DMD: variants seen among roughly 807,000 people sequenced by gnomAD.
DMD encodes the protein dystrophin.
DMD carries 63 observed loss-of-function variants against 330.1 expected under a neutral mutation model. That is an observed-to-expected ratio of 0.19 (90% CI 0.16 to 0.24). The LOEUF (loss-of-function observed/expected upper bound fraction) is 0.24. Among genes scored for constraint, DMD ranks in the 10% least tolerant of loss-of-function variants. The probability of loss-of-function intolerance (pLI) is 1.00; values close to 1 mark genes in which losing one functional copy is unlikely to be tolerated. For missense variants in DMD, 3,344 were observed against 2,684.1 expected, an observed-to-expected ratio of 1.25 and a Z score of -5.43; for synonymous variants, 1,223 against 959.8, an observed-to-expected ratio of 1.27 and a Z score of -5.07.
At chrX:33,005,241 T>C (rs1569548416) in intron 2 of DMD, among the ~76,000 whole-genome samples, 3 of 107,261 alleles carry the variant, frequency 2.8e-5, no homozygotes, top group Non-Finnish European at 5.8e-5. Context: ...CTTCTTTAAG[T>C]AATGTACAAA....
chrX:32,849,130 T>C (rs998966639), intron 3 of DMD, among the ~76,000 whole-genome samples: 7 of 111,630 alleles, frequency 6.3e-5, no homozygotes, highest in African/African-American at 2.3e-4. Flanking sequence ...CTTTTTAGAA[T>C]AGCAATCTAA....
chrX:32,480,938 T>A (rs1183323967), intron 21 of DMD, among the ~76,000 whole-genome samples: 1 of 110,602 alleles, frequency 9.0e-6, no homozygotes, highest in African/African-American at 3.3e-5. Context: ...AACAAAACAT[T>A]CCTTTGCCTA....
At chrX:32,971,545 G>T (rs1207432572) in intron 2 of DMD, among the ~76,000 whole-genome samples, 1 of 111,260 alleles carries the variant, frequency 9.0e-6, no homozygotes, top group Non-Finnish European at 1.9e-5. Flanking sequence ...TATATACTCA[G>T]TGTTAGTTCT....
At chrX:32,583,539 A>C (rs1011225271) in intron 13 of DMD, 2 of 112,112 alleles carry the variant, frequency 1.8e-5, no homozygotes, top group Non-Finnish European at 3.8e-5. Context: ...TCATAATGCT[A>C]TAGTAATTAA....
At chrX:32,351,218 T>C (rs2097780748) in intron 37 of DMD, among the ~76,000 whole-genome samples, 1 of 111,060 alleles carries the variant, frequency 9.0e-6, no homozygotes, top group African/African-American at 3.3e-5. Context: ...TTTGATCCTC[T>C]CAAAATCCTA....
intron 1 of DMD, chrX:33,339,144 T>C (rs2054297951): frequency 2.4e-6 from 2 of 836,924 alleles, no homozygotes; most frequent in Non-Finnish European, 1.6e-6. Flanking sequence ...TTTGCAGAGT[T>C]TGAAGAGCTC....
chrX:32,469,950 A>G (rs1041198198), intron 22 of DMD, among the ~76,000 whole-genome samples: 3 of 111,324 alleles, frequency 2.7e-5, no homozygotes, highest in African/African-American at 9.8e-5. Context: ...TTTCATGGAA[A>G]TTATATTAAT....
chrX:31,347,757 T>C (rs1455377756), intron 61 of DMD, among the ~76,000 whole-genome samples: 1 of 112,665 alleles, frequency 8.9e-6, no homozygotes, highest in Non-Finnish European at 1.9e-5. Context: ...GTAGTGGGAT[T>C]GCCAGATGGT....
At chrX:32,521,572 T>A (rs1333685129) in intron 17 of DMD, among the ~76,000 whole-genome samples, 2 of 112,441 alleles carry the variant, frequency 1.8e-5, no homozygotes, top group African/African-American at 3.2e-5. Context: ...GATTCTGATA[T>A]GTATATCTCT....
At chrX:32,241,982 TAC>T (rs1000143267) in intron 43 of DMD, among the ~76,000 whole-genome samples, 4 of 111,576 alleles carry the variant, frequency 3.6e-5, no homozygotes, top group African/African-American at 1.3e-4. Context: ...GCCGGTTCTA[TAC>T]AGTTTACAAG....
At chrX:31,674,783 C>A (rs1194171952) in intron 53 of DMD, among the ~76,000 whole-genome samples, 1 of 112,451 alleles carries the variant, frequency 8.9e-6, no homozygotes, top group Non-Finnish European at 1.9e-5. Flanking sequence ...CAAGTTTGGA[C>A]CAATCTTAAA....
intron 13 of DMD, 135 bp downstream of exon 13, chrX:32,595,622 G>C (rs188038762): frequency 3.4e-6 from 2 of 589,530 alleles, no homozygotes; most frequent in Admixed American, 5.9e-5. Flanking sequence ...AGCTGATTAT[G>C]AGTGTGTGTA....
intron 2 of DMD, among the ~76,000 whole-genome samples, chrX:32,915,541 G>C (rs2087718365): frequency 9.0e-6 from 1 of 111,064 alleles, no homozygotes; most frequent in Non-Finnish European, 1.9e-5. Flanking sequence ...TCTGATGAAT[G>C]TTAAGCGAAG....
chrX:33,067,714 G>A (rs755703308), intron 1 of DMD, among the ~76,000 whole-genome samples: 1 of 110,861 alleles, frequency 9.0e-6, no homozygotes, highest in African/African-American at 3.3e-5. Context: ...GTGTGGTGAC[G>A]GGCAGCTGTA....
chrX:32,225,237 C>A (rs1031094955), intron 43 of DMD, among the ~76,000 whole-genome samples: 1 of 111,814 alleles, frequency 8.9e-6, no homozygotes, highest in Non-Finnish European at 1.9e-5. Context: ...TTTGTTACAA[C>A]TACTCAACTC....
Position 32,389,488 on chromosome X carries a change from C to T in DMD, c.4518+13G>A. 1 of 1,209,489 alleles carries T rather than the reference C, an allele frequency of 8.3e-7. No individual in the cohort carries two copies. Among genetic ancestry groups the T allele is most frequent in the South Asian group, 1.8e-5 (1 of 56,978 alleles). ...CAAGGGGTACCTGCGTATTTGCCAC[C>T]AGAAATACATACCACACAATGATTT... On this transcript the variant is annotated intron_variant, in intron 32 of 78. Coordinates refer to ENST00000357033, the MANE Select transcript of DMD (RefSeq NM_004006.3).
intron 7 of DMD, among the ~76,000 whole-genome samples, chrX:32,712,144 A>G (rs1342343653): frequency 9.0e-6 from 1 of 111,536 alleles, no homozygotes; most frequent in African/African-American, 3.2e-5. Flanking sequence ...TTATCCATTT[A>G]TTTATTCTGT....
chrX:32,129,074 G>T (rs756723472), intron 44 of DMD, among the ~76,000 whole-genome samples: 1 of 111,561 alleles, frequency 9.0e-6, no homozygotes, highest in South Asian at 3.8e-4. Context: ...GATACCTAGA[G>T]GAAAGAGAAC....
At chrX:32,323,716 A>G (rs1168849776) in intron 41 of DMD, among the ~76,000 whole-genome samples, 3 of 111,387 alleles carry the variant, frequency 2.7e-5, no homozygotes, top group Non-Finnish European at 3.8e-5. Context: ...TAAATAACCT[A>G]TAAGTGCGGG....
Sources: allele counts gnomAD v4.1 joint callset (sites outside exome capture counted in the v4.1 genomes callset), GRCh38; gene constraint gnomAD v4.1.1; transcripts MANE v1.5; gene names NCBI Gene and HGNC (gene_info 2026-07-23, HGNC 2026-07-21).